Variants in RPRD2 observed in about 807,000 individuals in gnomAD.
The protein encoded by RPRD2 is regulation of nuclear pre-mRNA domain-containing protein 2.
Under a neutral mutation model 104.4 loss-of-function variants are expected in RPRD2, and 12 were observed. That is an observed-to-expected ratio of 0.11 (90% CI 0.07 to 0.19). RPRD2 has a LOEUF of 0.19. RPRD2 is among the 10% of genes least tolerant of loss of function. RPRD2 has a pLI of 1.00. For missense variants in RPRD2, 1,543 were observed against 1,790.1 expected, an observed-to-expected ratio of 0.86 and a Z score of 2.49; for synonymous variants, 714 against 684.9, an observed-to-expected ratio of 1.04 and a Z score of -0.66.
chr1:150,364,545 GTGT>G lies in RPRD2; in HGVS notation c.-168_-166del. The stretch of plus-strand genomic sequence containing the variant: ...GAGCTGCCAGCGTGCCCAGCAGCTG[GTGT>G]TCCCGTCCGTACCTCCAGAAGAGCC... On this transcript the variant is annotated 5_prime_UTR_variant, in exon 1 of 11. Coordinates refer to ENST00000369068, the MANE Select transcript of RPRD2 (RefSeq NM_015203.5). 2 of 558,864 alleles carry G rather than the reference GTGT, an allele frequency of 3.6e-6. No individual in the cohort carries two copies. The highest frequency in any genetic ancestry group is 3.0e-5 in the East Asian group (1 of 33,636). 34.6% of individuals were successfully genotyped at this position (558,864 alleles called of 1,614,324 possible). A position where few individuals can be genotyped will look rare whatever the true frequency, so the allele number is the denominator to read the frequency against.
chr1:150,470,886 T>C lies in RPRD2; in HGVS notation c.1938T>C (p.Val646=), dbSNP rs773701078. The C allele has an allele frequency of 1.9e-6, 3 of 1,613,992 alleles. No homozygotes were observed. The highest frequency in any genetic ancestry group is 2.5e-6 in the Non-Finnish European group (3 of 1,179,900). The change falls in exon 11 of 11, where the codon GTT becomes GTC. Residue 646 remains valine, a synonymous_variant. Transcript: ENST00000369068. ...GCCCTGCTGCCCCACCTACTGAAGT[T>C]ACCATCTGCCAATCTTCAGAGGTCT... ...NTSPAAPPTE[V]TICQSSEVSK... is the part of the protein sequence containing the mutation.
At chr1:150,376,410 AT>A (rs1354310979) in intron 1 of RPRD2, among the ~76,000 whole-genome samples, 2 of 152,124 alleles carry the variant, frequency 1.3e-5, no homozygotes, top group Admixed American at 6.5e-5. Context: ...ATAACTTAAC[AT>A]TTTTTGTTTT....
intron 4 of RPRD2, 103 bp from the exon 5 acceptor site, chr1:150,443,128 G>T: frequency 1.5e-6 from 1 of 688,482 alleles, no homozygotes; most frequent in South Asian, 1.8e-5. Flanking sequence ...GTGCATGTTT[G>T]CCATATGTTC....
At position 150,441,040 on chromosome 1, in the gene RPRD2, C is replaced by G. The variant is rs782618075; in HGVS notation, c.436+17C>G. On this transcript the variant is annotated intron_variant, in intron 3 of 10. Coordinates refer to ENST00000369068, the MANE Select transcript of RPRD2 (RefSeq NM_015203.5). ...AAGCTTTGAGTAAGTGTCTTTTTCT[C>G]TCCTAAAAGAAAATTTTTGAGTCAG... 13 of 1,342,284 alleles carry G rather than the reference C, an allele frequency of 9.7e-6. No individual in the cohort carries two copies. The South Asian group carries it at 1.3e-4, about 14-fold the overall frequency. 83.1% of individuals were successfully genotyped at this position (1,342,284 alleles called of 1,614,324 possible).
intron 1 of RPRD2, among the ~76,000 whole-genome samples, chr1:150,385,861 C>G (rs1158437371): frequency 6.6e-6 from 1 of 152,192 alleles, no homozygotes; most frequent in Non-Finnish European, 1.5e-5. Flanking sequence ...AAGGAGAAAT[C>G]CTTTGTTATA....
chr1:150,381,504 ATTT>A (rs35623676), intron 1 of RPRD2, among the ~76,000 whole-genome samples: 8 of 138,370 alleles, frequency 5.8e-5, no homozygotes, highest in South Asian at 2.3e-4. Context: ...ATAGGACACA[ATTT>A]TTTTTTTTTT....
At chr1:150,431,237 G>C (rs971210021) in intron 2 of RPRD2, among the ~76,000 whole-genome samples, 5 of 151,946 alleles carry the variant, frequency 3.3e-5, no homozygotes, top group African/African-American at 1.2e-4. Flanking sequence ...ACAGTTTGGT[G>C]GTTCCTCAAA....
chr1:150,401,779 G>A (rs1663037084), intron 1 of RPRD2, among the ~76,000 whole-genome samples: 2 of 150,378 alleles, frequency 1.3e-5, no homozygotes, highest in Admixed American at 6.6e-5. Flanking sequence ...GAGTAGCTGG[G>A]ACTACAGGCA....
intron 1 of RPRD2, among the ~76,000 whole-genome samples, chr1:150,366,771 G>T (rs1659874343): frequency 6.6e-6 from 1 of 152,184 alleles, no homozygotes; most frequent in Non-Finnish European, 1.5e-5. Context: ...TAATGTGAGT[G>T]AGAGAACCTC....
At chr1:150,388,613 G>A (rs1338538088) in intron 1 of RPRD2, among the ~76,000 whole-genome samples, 1 of 142,316 alleles carries the variant, frequency 7.0e-6, no homozygotes, top group Non-Finnish European at 1.5e-5. Context: ...ATATTGATAT[G>A]TAATTTTTTT....
At chr1:150,384,450 CATTATTATTATTATTATTATTATT>C (rs60436957) in intron 1 of RPRD2, among the ~76,000 whole-genome samples, 1 of 132,346 alleles carries the variant, frequency 7.6e-6, no homozygotes, top group South Asian at 2.2e-4. Context: ...GCATCATCAT[CATTATTATTATTATTATTATTATT>C]ATTATTATTA....
At chr1:150,452,661 CTTT>C (rs782322743) in intron 7 of RPRD2, among the ~76,000 whole-genome samples, 31 of 71,238 alleles carry the variant, frequency 4.4e-4, no homozygotes, top group African/African-American at 1.5e-3. Context: ...GACATATCCC[CTTT>C]TTTTTTTTTT....
chr1:150,438,469 A>G (rs1407223654), intron 2 of RPRD2, among the ~76,000 whole-genome samples: 1 of 152,034 alleles, frequency 6.6e-6, no homozygotes, highest in Admixed American at 6.6e-5. Flanking sequence ...CTACTAAAAA[A>G]AAATACAAAA....
intron 6 of RPRD2, among the ~76,000 whole-genome samples, chr1:150,445,260 C>CT (rs1560208547): frequency 1.3e-5 from 2 of 152,178 alleles, no homozygotes; most frequent in Non-Finnish European, 2.9e-5. Context: ...CTAAAAATCT[C>CT]TATTTTATCA....
intron 2 of RPRD2, 48 bp downstream of exon 2, chr1:150,417,773 G>A (rs1664454255): frequency 1.4e-6 from 2 of 1,447,758 alleles, no homozygotes; most frequent in Non-Finnish European, 1.9e-6. Flanking sequence ...AGACAACTTA[G>A]AATTTTAGTT....
intron 8 of RPRD2, among the ~76,000 whole-genome samples, chr1:150,458,454 C>CAA (rs113144321): frequency 7.5e-6 from 1 of 133,786 alleles, no homozygotes; most frequent in African/African-American, 2.7e-5. Flanking sequence ...ACCCTCTCTC[C>CAA]AAAAAAAAAA....
intron 2 of RPRD2, among the ~76,000 whole-genome samples, chr1:150,422,948 T>C (rs1553889993): frequency 6.6e-6 from 1 of 152,232 alleles, no homozygotes; most frequent in Admixed American, 6.5e-5. Context: ...TATCCAGTTA[T>C]TTCAGTTCTT....
Position 150,364,801 on chromosome 1 carries a change from A to C in RPRD2, c.87A>C (p.Arg29=), listed in dbSNP as rs1553876896. 1 of 1,613,824 alleles carries C rather than the reference A, an allele frequency of 6.2e-7. No homozygotes were observed. The highest frequency in any genetic ancestry group is 8.5e-7 in the Non-Finnish European group (1 of 1,179,816). Residue 29 remains arginine, a synonymous_variant, in exon 1 of 11, where the codon CGA becomes CGC. Transcript: ENST00000369068. Reference sequence around the variant, plus strand: ...GGGCTCTGGAGTCCTCGTTGGATCGAAAATTCCAGTCGGTAACCAACACCA... The same window carrying C: ...GGGCTCTGGAGTCCTCGTTGGATCGCAAATTCCAGTCGGTAACCAACACCA... ...SAGALESSLD[R]KFQSVTNTME... is the part of the protein sequence containing the mutation.
intron 6 of RPRD2, among the ~76,000 whole-genome samples, chr1:150,444,767 T>C (rs1407215948): frequency 1.3e-5 from 2 of 152,238 alleles, no homozygotes; most frequent in African/African-American, 2.4e-5. Context: ...TTATATTGAT[T>C]TGTTCATTGC....
Sources: gnomAD v4.1 joint callset for allele counts (sites outside exome capture counted in the v4.1 genomes callset) on GRCh38, gnomAD v4.1.1 for gene constraint, MANE v1.5 for transcripts, NCBI Gene and HGNC (gene_info 2026-07-23, HGNC 2026-07-21) for gene names.